The following THOC2 variants were observed in gnomAD, a reference collection of about 807,000 sequenced individuals.
THOC2 encodes the protein THO complex 2.
Under a neutral mutation model 128.4 loss-of-function variants are expected in THOC2, and 10 were observed. The ratio of observed to expected loss-of-function variants is 0.08; its 90% confidence interval spans 0.05 to 0.13. THOC2 has a LOEUF of 0.13. Ranked by LOEUF, THOC2 falls within the 10% of genes least tolerant of loss-of-function variation. The probability of loss-of-function intolerance (pLI) is 1.00; values close to 1 mark genes in which losing one functional copy is unlikely to be tolerated. For missense variants in THOC2, 535 were observed against 1,155.7 expected, an observed-to-expected ratio of 0.46 and a Z score of 7.79; for synonymous variants, 393 against 396.9, an observed-to-expected ratio of 0.99 and a Z score of 0.12.
intron 16 of THOC2, among the ~76,000 whole-genome samples, chrX:123,640,142 G>T (rs545037185): frequency 9.0e-6 from 1 of 111,302 alleles, no homozygotes; most frequent in African/African-American, 3.3e-5. Flanking sequence ...AGCCAAGATC[G>T]GGTCACTGCA....
Position 123,619,269 on chromosome X carries a change from T to C in THOC2, c.4311+132A>G, listed in dbSNP as rs146701546. ...TAACATTTAATATTTTTGAAGGTTATTCAATGTAAGCAGAGTACTTTATCC... is the reference window on the plus strand; with the variant it reads ...TAACATTTAATATTTTTGAAGGTTACTCAATGTAAGCAGAGTACTTTATCC... On this transcript the variant is annotated intron_variant, in intron 33 of 38. Transcript: ENST00000245838. The C allele has an allele frequency of 1.2e-3, 412 of 354,825 alleles. 1 individual carries two copies. The highest frequency in any genetic ancestry group is 9.5e-3 in the African/African-American group (363 of 38,204). The allele number at this position is 354,825 out of a possible 1,213,427, so 29.2% of individuals were successfully genotyped here. A position where few individuals can be genotyped will look rare whatever the true frequency, so the allele number is the denominator to read the frequency against.
intron 12 of THOC2, among the ~76,000 whole-genome samples, chrX:123,661,211 C>T (rs950388577): frequency 6.3e-5 from 7 of 111,613 alleles, no homozygotes; most frequent in Admixed American, 9.5e-5. Context: ...TCGAGACCAG[C>T]GTAGCAAACA....
At chrX:123,660,774 T>C (rs1294023595) in intron 12 of THOC2, among the ~76,000 whole-genome samples, 1 of 112,357 alleles carries the variant, frequency 8.9e-6, no homozygotes, top group Non-Finnish European at 1.9e-5. Context: ...GGGGTACCTG[T>C]GATAATTTGT....
chrX:123,601,866 G>C (rs1203752784), intron 38 of THOC2: 6 of 111,975 alleles, frequency 5.4e-5, no homozygotes, highest in African/African-American at 1.9e-4. Context: ...AAAGGAAAAT[G>C]ACATCACATT....
chrX:123,719,169 C>T (rs2051571166), intron 1 of THOC2, among the ~76,000 whole-genome samples: 1 of 103,427 alleles, frequency 9.7e-6, no homozygotes, highest in Non-Finnish European at 2.0e-5. Flanking sequence ...CAAAGCAAGA[C>T]TTCGTCTCCC....
At chrX:123,732,526 C>A in intron 1 of THOC2, among the ~76,000 whole-genome samples, 1 of 112,255 alleles carries the variant, frequency 8.9e-6, no homozygotes, top group Non-Finnish European at 1.9e-5. Context: ...AAGCTCCAAA[C>A]TGCGGAGTCC....
At chrX:123,661,393 G>A (rs895324579) in intron 12 of THOC2, among the ~76,000 whole-genome samples, 9 of 108,686 alleles carry the variant, frequency 8.3e-5, no homozygotes, top group East Asian at 5.7e-4. Flanking sequence ...CGACAAGAGC[G>A]AAACTCCATC....
In THOC2 at chrX:123,621,411, G is replaced by A; in HGVS notation, c.3962C>T (p.Thr1321Met). Residue 1321 changes from threonine to methionine, a missense_variant, in exon 31 of 39, where the codon ACG becomes ATG. By Grantham distance (81) the Thr-to-Met change is moderately conservative (BLOSUM62 -1). Coordinates refer to ENST00000245838, the MANE Select transcript of THOC2 (RefSeq NM_001081550.2). ...TTCTTTCTCTTTGTCAGACTTCGGC[G>A]TTCTTTCCTTGGTCTCTCTTGCTTT... ...DEKARETKER[T>M]PKSDKEKEKF... 2 of 1,209,687 alleles carry A rather than the reference G, an allele frequency of 1.7e-6. No homozygotes were observed. Among genetic ancestry groups the A allele is most frequent in the Non-Finnish European group, 2.2e-6 (2 of 894,783 alleles).
chrX:123,686,517 T>C (rs2050008786), intron 8 of THOC2, 31 bp downstream of exon 8: 7 of 1,097,391 alleles, frequency 6.4e-6, no homozygotes, highest in Non-Finnish European at 8.6e-6. Flanking sequence ...AATCAATCTC[T>C]AAATATACAT....
intron 8 of THOC2, among the ~76,000 whole-genome samples, chrX:123,684,854 G>A (rs1396956183): frequency 1.8e-5 from 2 of 112,226 alleles, no homozygotes; most frequent in Non-Finnish European, 3.8e-5. Context: ...AAAGGCAGTA[G>A]GTACTATATC....
At chrX:123,684,613 C>T (rs2049931152) in intron 8 of THOC2, among the ~76,000 whole-genome samples, 1 of 111,750 alleles carries the variant, frequency 8.9e-6, no homozygotes, top group African/African-American at 3.3e-5. Context: ...GTCTCAAACT[C>T]CTGACCTCAG....
At chrX:123,667,812 T>C (rs192591021) in intron 10 of THOC2, among the ~76,000 whole-genome samples, 2 of 110,734 alleles carry the variant, frequency 1.8e-5, no homozygotes, top group Admixed American at 1.9e-4. Flanking sequence ...AATTAAGTTC[T>C]ACTTCATGTT....
At chrX:123,662,555 T>TC (rs765033090) in intron 12 of THOC2, among the ~76,000 whole-genome samples, 1 of 88,478 alleles carries the variant, frequency 1.1e-5, no homozygotes, top group East Asian at 3.5e-4. Context: ...GCCACTGGAC[T>TC]CCAGCCTGGG....
At chrX:123,605,725 C>T (rs1351317054) in intron 38 of THOC2, among the ~76,000 whole-genome samples, 1 of 111,482 alleles carries the variant, frequency 9.0e-6, no homozygotes, top group East Asian at 2.8e-4. Flanking sequence ...TCGTCAACAT[C>T]TAGGAATAAG....
rs746556647 is a variant in THOC2 at position 123,655,950 on chromosome X, G to A, written c.1386+9692C>T. Among the ~76,000 whole-genome samples, 198 of 109,511 alleles carry A rather than the reference G, an allele frequency of 1.8e-3. 1 individual carries two copies. The highest frequency in any genetic ancestry group is 6.5e-3 in the African/African-American group (196 of 30,162). ...TAAGAATCGCTTGAACCTGGAAGGC[G>A]GAGGTTGCAATGAGCTGAGATTGCA... On this transcript the variant is annotated intron_variant, in intron 12 of 38. Transcript: ENST00000245838.
intron 8 of THOC2, among the ~76,000 whole-genome samples, chrX:123,676,995 G>A (rs1475969111): frequency 3.6e-5 from 4 of 111,124 alleles, no homozygotes; most frequent in African/African-American, 1.3e-4. Context: ...ACTTAACAAC[G>A]GAGATACATT....
At chrX:123,709,872 T>G (rs771951407) in intron 2 of THOC2, among the ~76,000 whole-genome samples, 1 of 111,158 alleles carries the variant, frequency 9.0e-6, no homozygotes, top group South Asian at 3.9e-4. Flanking sequence ...CCCCAATTAC[T>G]CATGTTTATT....
intron 8 of THOC2, among the ~76,000 whole-genome samples, chrX:123,672,480 C>T (rs2147821643): frequency 1.8e-5 from 2 of 111,491 alleles, no homozygotes; most frequent in South Asian, 7.6e-4. Flanking sequence ...CAAGTTAGTT[C>T]TTAGTGGAGA....
intron 2 of THOC2, among the ~76,000 whole-genome samples, chrX:123,707,455 G>C (rs780611781): frequency 8.9e-6 from 1 of 111,817 alleles, no homozygotes; most frequent in South Asian, 3.7e-4. Flanking sequence ...ATACCCTAGT[G>C]TGAGAGAAAT....
Sources: gnomAD v4.1 joint callset for allele counts (sites outside exome capture counted in the v4.1 genomes callset) on GRCh38, gnomAD v4.1.1 for gene constraint, MANE v1.5 for transcripts, NCBI Gene and HGNC (gene_info 2026-07-23, HGNC 2026-07-21) for gene names.